The following NRCAM variants were observed in gnomAD, a reference collection of about 807,000 sequenced individuals.
NRCAM encodes neuronal cell adhesion molecule, also known as NgCAM-related cell adhesion molecule.
In NRCAM, 83 loss-of-function variants were observed where a neutral mutation model predicts 156.5. The observed-to-expected ratio is 0.53, with a 90% CI of 0.44 to 0.64. The LOEUF (loss-of-function observed/expected upper bound fraction) is 0.64, where lower values mean the gene tolerates loss of function less well. Ranked by LOEUF, NRCAM falls within the 30% of genes least tolerant of loss-of-function variation. NRCAM has a pLI of 0.00. For synonymous variants in NRCAM, 538 were observed against 563.9 expected, an observed-to-expected ratio of 0.95 and a Z score of 0.65; for missense variants, 1,417 against 1,597.3, an observed-to-expected ratio of 0.89 and a Z score of 1.92.
intron 8 of NRCAM, 91 bp downstream of exon 8, chr7:108,230,940 A>G: frequency 9.7e-7 from 1 of 1,029,726 alleles, no homozygotes; most frequent in African/African-American, 1.7e-5. Context: ...TCTCTAAAAC[A>G]TTTTATGAAT....
intron 3 of NRCAM, among the ~76,000 whole-genome samples, chr7:108,248,115 T>C (rs2096078779): frequency 6.6e-6 from 1 of 152,176 alleles, no homozygotes; most frequent in East Asian, 1.9e-4. Flanking sequence ...CTGAGATTTC[T>C]ACAAATAGCA....
Position 108,180,409 on chromosome 7 carries a change from G to C in NRCAM, c.2665C>G (p.Gln889Glu), listed in dbSNP as rs753721934. 4 of 1,613,918 alleles carry C rather than the reference G, an allele frequency of 2.5e-6. No homozygotes were observed. In the South Asian group the frequency reaches 4.4e-5, roughly 18 times the overall value. The stretch of plus-strand genomic sequence containing the variant: ...CGTCTGTTTCTTTTAGATGAACTCT[G>C]GGTCTTCCAATAGTAAATCTGAAAC... ...QGYRIYYWKT[Q>E]SSSKRNRRHI... is the part of the protein sequence containing the mutation. Residue 889 changes from glutamine (Q) to glutamate (E), a missense_variant, in exon 25 of 33, where the codon CAG becomes GAG. By Grantham distance (29) the Gln-to-Glu change is conservative. Coordinates refer to ENST00000379028, the MANE Select transcript of NRCAM (RefSeq NM_001037132.4).
At chr7:108,272,372 C>A (rs1416382835) in intron 3 of NRCAM, among the ~76,000 whole-genome samples, 4 of 152,194 alleles carry the variant, frequency 2.6e-5, no homozygotes, top group Admixed American at 6.5e-5. Context: ...CTGCTCTTTG[C>A]TGAACACACA....
chr7:108,167,433 T>C (rs1023725957), intron 29 of NRCAM, among the ~76,000 whole-genome samples: 2 of 148,708 alleles, frequency 1.3e-5, no homozygotes, highest in Non-Finnish European at 2.9e-5. Context: ...ATTAATTAGC[T>C]TAAGTGAACT....
intron 3 of NRCAM, among the ~76,000 whole-genome samples, chr7:108,312,436 T>A (rs190630443): frequency 6.6e-6 from 1 of 152,298 alleles, no homozygotes; most frequent in African/African-American, 2.4e-5. Context: ...ATCTTATTAC[T>A]ATGAAAGGAC....
At chr7:108,222,931 C>A (rs924089945) in intron 11 of NRCAM, among the ~76,000 whole-genome samples, 1 of 152,164 alleles carries the variant, frequency 6.6e-6, no homozygotes, top group African/African-American at 2.4e-5. Context: ...CAAGGCCTCC[C>A]TGCAACTCCT....
rs1192327799 is a variant in NRCAM at position 108,317,921 on chromosome 7, AAAG to A, written c.-173-5193_-173-5191del. Among the ~76,000 whole-genome samples, 8 of 151,460 alleles carry A rather than the reference AAAG, an allele frequency of 5.3e-5. No homozygotes were observed. The East Asian group carries it at 5.8e-4, about 11-fold the overall frequency. On this transcript the variant is annotated intron_variant, in intron 2 of 32. Transcript: ENST00000379028. ...GAGACTCAGTCCCAGAAAAAAAAAA[AAAG>A]AAAGAAAGAAAGGAAAGGAAAGGAA...
At chr7:108,225,185 AT>A (rs1400881650) in intron 10 of NRCAM, among the ~76,000 whole-genome samples, 1 of 152,172 alleles carries the variant, frequency 6.6e-6, no homozygotes, top group Non-Finnish European at 1.5e-5. Flanking sequence ...TGCTAATTAT[AT>A]TGATAATGTC....
intron 3 of NRCAM, among the ~76,000 whole-genome samples, chr7:108,272,475 G>C (rs1175591504): frequency 1.3e-5 from 2 of 152,054 alleles, no homozygotes; most frequent in Non-Finnish European, 2.9e-5. Flanking sequence ...ACCAGTTGAC[G>C]ATCTTTATTT....
At chr7:108,307,137 T>A (rs1037363262) in intron 3 of NRCAM, among the ~76,000 whole-genome samples, 1 of 152,182 alleles carries the variant, frequency 6.6e-6, no homozygotes, top group East Asian at 1.9e-4. Context: ...ATTTTATTCA[T>A]AAAGGCAATG....
At chr7:108,152,626 G>A (rs1215054247) in intron 32 of NRCAM, among the ~76,000 whole-genome samples, 1 of 152,064 alleles carries the variant, frequency 6.6e-6, no homozygotes, top group African/African-American at 2.4e-5. Flanking sequence ...TACCTTAGAG[G>A]GCTGGGGTTG....
chr7:108,442,173 T>C (rs1598245030), intron 1 of NRCAM, among the ~76,000 whole-genome samples: 1 of 152,002 alleles, frequency 6.6e-6, no homozygotes, highest in Non-Finnish European at 1.5e-5. Context: ...GTCATGGAGG[T>C]GGCTGAGGTG....
chr7:108,176,577 C>T lies in NRCAM; in HGVS notation c.3004G>A (p.Val1002Ile). ...TTGTTGGCAGGAATTTTCAAATCTA[C>T]CAGAGGGCCTAATTCATGTGTGCTG... ...INSTHELGPLVDLKIPANKTR... is the reference protein window; with the variant it reads ...INSTHELGPLIDLKIPANKTR... Residue 1002 changes from valine to isoleucine, a missense_variant, in exon 27 of 33, where the codon GTA becomes ATA. Physicochemically the swap from Val to Ile is conservative, Grantham distance 29 (BLOSUM62 3). Around this residue, in one of 2 missense-constraint regions of NRCAM, gnomAD observed 1,238 missense variants for 1,336.4 expected, o/e 0.93. Transcript: ENST00000379028. 1 of 1,613,378 alleles carries T rather than the reference C, an allele frequency of 6.2e-7. No homozygotes were observed. The highest frequency in any genetic ancestry group is 8.5e-7 in the Non-Finnish European group (1 of 1,179,686).
At chr7:108,234,436 T>A in intron 6 of NRCAM, 147 bp downstream of exon 6, 1 of 611,254 alleles carries the variant, frequency 1.6e-6, no homozygotes, top group Non-Finnish European at 2.9e-6. Context: ...GGCAATCTAG[T>A]GAGTCACAGT....
rs116521258 is a variant in NRCAM at position 108,446,657 on chromosome 7, C to T, written c.-332+9586G>A. On this transcript the variant is annotated intron_variant, in intron 1 of 32. Transcript: ENST00000379028. ...CTTTTCTTTATCATGCAGACTCGGC[C>T]CCTCAATGTTATTTAGAGCAAATAT... Among the ~76,000 whole-genome samples the T allele has an allele frequency of 6.0e-3, 919 of 152,198 alleles. 13 individuals carry two copies. Among genetic ancestry groups the T allele is most frequent in the African/African-American group, 0.021 (855 of 41,520 alleles).
chr7:108,400,361 G>A (rs1043436237), intron 1 of NRCAM, among the ~76,000 whole-genome samples: 13 of 152,282 alleles, frequency 8.5e-5, no homozygotes, highest in African/African-American at 2.6e-4. Flanking sequence ...CAGAAACCAC[G>A]AGTTCTAGAC....
intron 28 of NRCAM, among the ~76,000 whole-genome samples, chr7:108,174,290 G>T (rs1240549184): frequency 6.6e-6 from 1 of 152,148 alleles, no homozygotes; most frequent in African/African-American, 2.4e-5. Context: ...TCGATATTTT[G>T]TAATTTACCA....
At chr7:108,313,603 T>G (rs1447704612) in intron 2 of NRCAM, among the ~76,000 whole-genome samples, 1 of 152,172 alleles carries the variant, frequency 6.6e-6, no homozygotes, top group Non-Finnish European at 1.5e-5. Context: ...CTCAGCTGGT[T>G]TTGCTTATGT....
At chr7:108,237,599 G>A (rs2095185590) in intron 5 of NRCAM, among the ~76,000 whole-genome samples, 153 bp downstream of exon 5, 1 of 152,144 alleles carries the variant, frequency 6.6e-6, no homozygotes, top group African/African-American at 2.4e-5. Flanking sequence ...TCTTGGTATT[G>A]AAATACAATG....
Sources: gnomAD v4.1 joint callset for allele counts (sites outside exome capture counted in the v4.1 genomes callset) on GRCh38, gnomAD v4.1.1 for gene constraint, gnomAD v4.1.1 regional missense constraint, MANE v1.5 for transcripts, NCBI Gene and HGNC (gene_info 2026-07-23, HGNC 2026-07-21) for gene names.